STK3: variants seen among roughly 807,000 people sequenced by gnomAD.
The protein encoded by STK3 is serine/threonine kinase 3, also known as serine/threonine-protein kinase 3.
A neutral mutation model predicts 58.0 loss-of-function variants in STK3; 41 were observed. That is an observed-to-expected ratio of 0.71 (90% CI 0.55 to 0.92). The LOEUF (loss-of-function observed/expected upper bound fraction) is 0.92. Ranked by LOEUF, STK3 falls within the 40% of genes least tolerant of loss-of-function variation. The pLI is 0.00. For missense variants in STK3, 479 were observed against 602.7 expected, an observed-to-expected ratio of 0.79 and a Z score of 2.15; for synonymous variants, 170 against 191.0, an observed-to-expected ratio of 0.89 and a Z score of 0.91.
intron 3 of STK3, chr8:98,427,952 C>G (rs1202139208): frequency 6.8e-7 from 1 of 1,471,912 alleles, no homozygotes; most frequent in African/African-American, 1.4e-5. Flanking sequence ...AGCGCCCCCG[C>G]GCGGCGCGGG....
intron 6 of STK3, among the ~76,000 whole-genome samples, chr8:98,608,591 C>A (rs1261633989): frequency 6.6e-6 from 1 of 151,932 alleles, no homozygotes. Context: ...TTTTAATATG[C>A]CTGAAAAAAT....
intron 10 of STK3, among the ~76,000 whole-genome samples, chr8:98,472,786 T>G (rs1447712818): frequency 6.6e-6 from 1 of 152,170 alleles, no homozygotes; most frequent in Non-Finnish European, 1.5e-5. Context: ...ATTTTATTTC[T>G]GCTTTATCTA....
intron 3 of STK3, among the ~76,000 whole-genome samples, chr8:98,757,703 C>T (rs1830380060): frequency 6.6e-6 from 1 of 151,170 alleles, no homozygotes; most frequent in African/African-American, 2.4e-5. Flanking sequence ...TTCAAATTCA[C>T]ATTTATTTAT....
chr8:98,418,496 C>CAGCG (rs1818136716), intron 3 of STK3, among the ~76,000 whole-genome samples: 1 of 152,126 alleles, frequency 6.6e-6, no homozygotes, highest in Admixed American at 6.5e-5. Flanking sequence ...GATCGATGGG[C>CAGCG]AGCGGATGGG....
At chr8:98,597,966 G>A (rs529017459) in intron 6 of STK3, 1 of 985,254 alleles carries the variant, frequency 1.0e-6, no homozygotes, top group South Asian at 4.7e-5. Flanking sequence ...TGAGTAAAAT[G>A]GGGTTAAAAG....
intron 8 of STK3, among the ~76,000 whole-genome samples, chr8:98,562,676 G>A (rs1182594060): frequency 3.7e-5 from 5 of 133,460 alleles, no homozygotes; most frequent in Non-Finnish European, 7.7e-5. Flanking sequence ...AGGATCCCTC[G>A]AGACCAGGAG....
At chr8:98,349,598 C>T in the STK3 span, among the ~76,000 whole-genome samples, 1 of 152,246 alleles carries the variant, frequency 6.6e-6, no homozygotes, top group Non-Finnish European at 1.5e-5. Flanking sequence ...CAAAGGTTCT[C>T]TATGAATACC....
intron 3 of STK3, among the ~76,000 whole-genome samples, chr8:98,840,671 A>C (rs1475316253): frequency 6.8e-6 from 1 of 146,166 alleles, no homozygotes; most frequent in South Asian, 2.2e-4. Context: ...CACACACATA[A>C]CTTATTAATT....
chr8:98,447,852 A>ACTAG (rs1819024088), intron 1 of STK3, among the ~76,000 whole-genome samples: 1 of 149,048 alleles, frequency 6.7e-6, no homozygotes, highest in African/African-American at 2.4e-5. Context: ...AGATTAAAAA[A>ACTAG]CTAGCAACCC....
At chr8:98,666,941 T>C (rs563017282) in intron 6 of STK3, among the ~76,000 whole-genome samples, 1 of 152,246 alleles carries the variant, frequency 6.6e-6, no homozygotes, top group East Asian at 1.9e-4. Flanking sequence ...AATTCGTATA[T>C]CTTGACTGCC....
At chr8:98,757,201 G>A (rs1413979540) in intron 3 of STK3, among the ~76,000 whole-genome samples, 1 of 150,458 alleles carries the variant, frequency 6.6e-6, no homozygotes, top group Non-Finnish European at 1.5e-5. Flanking sequence ...TTTTTTTTGA[G>A]ACAGAGTCTC....
At chr8:98,527,127 A>C (rs1825803732) in intron 9 of STK3, among the ~76,000 whole-genome samples, 2 of 152,196 alleles carry the variant, frequency 1.3e-5, no homozygotes, top group South Asian at 4.1e-4. Flanking sequence ...ATGATTAGGC[A>C]AAGGTCTGGA....
intron 3 of STK3, among the ~76,000 whole-genome samples, chr8:98,857,467 A>C (rs1047193264): frequency 2.0e-5 from 3 of 152,134 alleles, no homozygotes; most frequent in Non-Finnish European, 2.9e-5. Flanking sequence ...AGCACCTGTC[A>C]TGTCTTTCAA....
At chr8:98,486,851 T>C (rs1260228460) in intron 10 of STK3, among the ~76,000 whole-genome samples, 3 of 152,090 alleles carry the variant, frequency 2.0e-5, no homozygotes, top group East Asian at 3.9e-4. Context: ...GTAGGTGAAG[T>C]TGAGTTGAGG....
At chr8:98,483,731 TA>T (rs1249903335) in intron 10 of STK3, among the ~76,000 whole-genome samples, 1 of 152,098 alleles carries the variant, frequency 6.6e-6, no homozygotes, top group Non-Finnish European at 1.5e-5. Context: ...TCCTGGTCCA[TA>T]AAAAAGATAA....
intron 6 of STK3, among the ~76,000 whole-genome samples, chr8:98,612,201 C>T (rs766295274): frequency 2.7e-5 from 4 of 150,486 alleles, no homozygotes; most frequent in African/African-American, 4.9e-5. Flanking sequence ...AGTAGATGTA[C>T]ATTTTCCTAT....
At chr8:98,823,942 G>C (rs1564036485) in intron 1 of STK3, among the ~76,000 whole-genome samples, 1 of 152,028 alleles carries the variant, frequency 6.6e-6, no homozygotes, top group South Asian at 2.1e-4. Context: ...TAATCAATAG[G>C]GGCAAAACTG....
At chr8:98,522,202 G>A (rs1437147827) in intron 10 of STK3, among the ~76,000 whole-genome samples, 2 of 152,104 alleles carry the variant, frequency 1.3e-5, no homozygotes, top group Non-Finnish European at 2.9e-5. Context: ...GACAGTAGAA[G>A]GCTACATGTC....
intron 3 of STK3, among the ~76,000 whole-genome samples, chr8:98,409,702 C>T (rs748870992): frequency 6.6e-6 from 1 of 152,234 alleles, no homozygotes; most frequent in Non-Finnish European, 1.5e-5. Context: ...CATGTGTTTC[C>T]ATTTTACATC....
Sources: gnomAD v4.1 joint callset for allele counts (sites outside exome capture counted in the v4.1 genomes callset) on GRCh38, gnomAD v4.1.1 for gene constraint, MANE v1.5 for transcripts, NCBI Gene and HGNC (gene_info 2026-07-23, HGNC 2026-07-21) for gene names.